Variants in TM9SF2 observed in about 807,000 individuals in gnomAD.
The protein encoded by TM9SF2 is 76 kDa membrane protein.
In TM9SF2, 13 loss-of-function variants were observed where a neutral mutation model predicts 84.9. The observed-to-expected ratio is 0.15, with a 90% CI of 0.10 to 0.24. TM9SF2 has a LOEUF of 0.24. Ranked by LOEUF, TM9SF2 falls within the 10% of genes least tolerant of loss-of-function variation. The pLI is 1.00. For synonymous variants in TM9SF2, 273 were observed against 285.8 expected (o/e 0.96, Z 0.45); for missense variants, 562 against 818.5 (o/e 0.69, Z 3.82).
At chr13:99,540,225 T>C (rs56750699) in intron 7 of TM9SF2, among the ~76,000 whole-genome samples, 3,836 of 152,206 alleles carry the variant, frequency 0.025, 157 homozygotes, top group African/African-American at 0.086. Context: ...CAATCCAATA[T>C]AGTTGTGATG....
At chr13:99,536,388 G>A (rs527799063) in intron 4 of TM9SF2, among the ~76,000 whole-genome samples, 66 of 151,210 alleles carry the variant, frequency 4.4e-4, no homozygotes, top group African/African-American at 1.0e-3. Context: ...CACTGCACTC[G>A]GACCAGCCTG....
At position 99,563,009 on chromosome 13, in the gene TM9SF2, A is replaced by G. The variant is rs894077281; in HGVS notation, c.*251A>G. ...TTCTCAATGAAGAGCAAATTTAAAT[A>G]TTATGTGCATTTGTAAATACAGTAG... On this transcript the variant is annotated 3_prime_UTR_variant, in exon 17 of 17. Coordinates refer to ENST00000376387, the MANE Select transcript of TM9SF2 (RefSeq NM_004800.3). The G allele has an allele frequency of 8.5e-6, 3 of 351,396 alleles. No individual in the cohort carries two copies. The highest frequency in any genetic ancestry group is 1.0e-5 in the Non-Finnish European group (2 of 195,156). 21.8% of individuals were successfully genotyped at this position (351,396 alleles called of 1,614,324 possible).
At chr13:99,502,654 G>A (rs550026085) in intron 1 of TM9SF2, among the ~76,000 whole-genome samples, 4 of 152,132 alleles carry the variant, frequency 2.6e-5, no homozygotes, top group South Asian at 4.1e-4. Context: ...AGGTTATATG[G>A]TGTAGGGCTT....
At chr13:99,539,612 A>T (rs2046249844) in intron 7 of TM9SF2, 55 bp downstream of exon 7, 1 of 1,112,374 alleles carries the variant, frequency 9.0e-7, no homozygotes, top group Non-Finnish European at 1.4e-6. Context: ...AATTTGTACT[A>T]CTTAAACTAA....
chr13:99,517,753 G>T, intron 2 of TM9SF2, 72 bp downstream of exon 2: 2 of 1,047,854 alleles, frequency 1.9e-6, no homozygotes, highest in South Asian at 1.6e-5. Context: ...TGAGAACTTT[G>T]TTTTCTCACA....
rs1362250223 is a variant in TM9SF2 at position 99,560,875 on chromosome 13, G to C, written c.1924+1341G>C. Among the ~76,000 whole-genome samples, 3 of 152,056 alleles carry C rather than the reference G, an allele frequency of 2.0e-5. No homozygotes were observed. The South Asian group carries it at 6.2e-4, about 32-fold the overall frequency. ...TTTTTTTATTTTTAGTAGAGATGGG[G>C]TTTCACCATGTTAGCCAGGATGGTC... On this transcript the variant is annotated intron_variant, in intron 16 of 16. Transcript: ENST00000376387.
intron 3 of TM9SF2, among the ~76,000 whole-genome samples, chr13:99,522,037 T>C (rs2046162949): frequency 6.6e-6 from 1 of 152,062 alleles, no homozygotes; most frequent in Admixed American, 6.5e-5. Flanking sequence ...TTTTTCTTTT[T>C]CGAGACAGAG....
At chr13:99,527,236 A>G (rs142589259) in intron 3 of TM9SF2, among the ~76,000 whole-genome samples, 4 of 152,316 alleles carry the variant, frequency 2.6e-5, no homozygotes, top group Non-Finnish European at 5.9e-5. Flanking sequence ...AGTCCTGCCC[A>G]TTAGTCCTAG....
At position 99,563,501 on chromosome 13, in the gene TM9SF2, T is replaced by G. The variant is rs1459581685; in HGVS notation, c.*743T>G. ...CTATTTTATCAGATTTTACTGGATT[T>G]TGTTAATGTAACACTTTCTGAGTTT... is the stretch of plus-strand genomic sequence containing the variant. On this transcript the variant is annotated 3_prime_UTR_variant, in exon 17 of 17. Transcript: ENST00000376387. 1 of 152,266 alleles carries G rather than the reference T, an allele frequency of 6.6e-6. No homozygotes were observed. The highest frequency in any genetic ancestry group is 2.4e-5 in the African/African-American group (1 of 41,470). The allele number at this position is 152,266 out of a possible 1,614,324, so 9.4% of individuals were successfully genotyped here.
At chr13:99,518,107 T>C (rs1455011719) in intron 2 of TM9SF2, among the ~76,000 whole-genome samples, 3 of 152,168 alleles carry the variant, frequency 2.0e-5, no homozygotes, top group East Asian at 1.9e-4. Context: ...ATTCATAGTA[T>C]TTATTTTTAT....
At position 99,542,479 on chromosome 13, in the gene TM9SF2, T is replaced by A. The variant is rs182655318; in HGVS notation, c.1017+812T>A. ...TTTAAGTTGCACAGTGTTACACATT[T>A]TCTACTCTTCATTTCATGGCAGCAT... On this transcript the variant is annotated intron_variant, in intron 9 of 16. Coordinates refer to ENST00000376387, the MANE Select transcript of TM9SF2 (RefSeq NM_004800.3). Among the ~76,000 whole-genome samples, 712 of 152,348 alleles carry A rather than the reference T, an allele frequency of 4.7e-3. 6 individuals are homozygous for A. Among genetic ancestry groups the A allele is most frequent in the Non-Finnish European group, 5.3e-3 (358 of 68,036 alleles).
intron 1 of TM9SF2, among the ~76,000 whole-genome samples, chr13:99,502,817 GA>G (rs1452757866): frequency 1.3e-5 from 2 of 152,128 alleles, no homozygotes; most frequent in East Asian, 1.9e-4. Context: ...TATTAAGTTT[GA>G]TTTTTTTAAG....
intron 15 of TM9SF2, among the ~76,000 whole-genome samples, chr13:99,556,847 A>G (rs1038053810): frequency 3.3e-5 from 5 of 152,046 alleles, no homozygotes; most frequent in Admixed American, 6.5e-5. Flanking sequence ...CGGCCTCCCA[A>G]CGTGCTGGGA....
rs745661888 is a variant in TM9SF2, at chr13:99,541,537, C to T, written c.909-22C>T. On this transcript the variant is annotated intron_variant, in intron 8 of 16. Transcript: ENST00000376387. ...TCCTAGGATTAAGCTACAGATTACT[C>T]ATGATGTGCTTATTTCTACAGCATT... The T allele has an allele frequency of 3.6e-5, 55 of 1,542,410 alleles. No individual in the cohort carries two copies. In the Middle Eastern group the frequency reaches 2.2e-3, roughly 62 times the overall value.
chr13:99,503,122 T>C (rs2046073883), intron 1 of TM9SF2, among the ~76,000 whole-genome samples: 2 of 152,356 alleles, frequency 1.3e-5, no homozygotes, highest in South Asian at 4.1e-4. Flanking sequence ...TTGTTGTGCT[T>C]CCAAGTGGAA....
intron 3 of TM9SF2, among the ~76,000 whole-genome samples, chr13:99,525,549 A>G (rs1388022814): frequency 7.0e-6 from 1 of 142,106 alleles, no homozygotes; most frequent in Non-Finnish European, 1.5e-5. Flanking sequence ...AGGACTTATG[A>G]TAGATTTTTT....
intron 1 of TM9SF2, among the ~76,000 whole-genome samples, chr13:99,509,692 C>T (rs2046105006): frequency 6.6e-6 from 1 of 152,212 alleles, no homozygotes; most frequent in Admixed American, 6.5e-5. Flanking sequence ...CCTCCTGGGC[C>T]TCTGGGCCTG....
At chr13:99,532,112 C>G in intron 4 of TM9SF2, among the ~76,000 whole-genome samples, 1 of 150,902 alleles carries the variant, frequency 6.6e-6, no homozygotes, top group Admixed American at 6.6e-5. Context: ...AGTGCAGTGG[C>G]GCAATCTCGG....
intron 1 of TM9SF2, among the ~76,000 whole-genome samples, chr13:99,511,857 G>A (rs1002447383): frequency 2.0e-5 from 3 of 152,144 alleles, no homozygotes; most frequent in Admixed American, 2.0e-4. Context: ...AAAAAGTTAC[G>A]GTAGCAACAG....
Sources: allele counts gnomAD v4.1 joint callset (sites outside exome capture counted in the v4.1 genomes callset), GRCh38; gene constraint gnomAD v4.1.1; transcripts MANE v1.5; gene names NCBI Gene and HGNC (gene_info 2026-07-23, HGNC 2026-07-21).